DAB1: variants seen among roughly 807,000 people sequenced by gnomAD.
DAB1 encodes disabled homolog 1.
DAB1 carries 15 observed loss-of-function variants against 64.6 expected under a neutral mutation model. The observed-to-expected ratio is 0.23, with a 90% CI of 0.16 to 0.36. The LOEUF (loss-of-function observed/expected upper bound fraction) is 0.36. DAB1 is among the 10% of genes least tolerant of loss of function. The pLI is 1.00. For synonymous variants in DAB1, 235 were observed against 251.9 expected (o/e 0.93, Z 0.64); for missense variants, 596 against 706.7 (o/e 0.84, Z 1.78).
intron 4 of DAB1, among the ~76,000 whole-genome samples, chr1:57,084,775 A>G (rs1369675669): frequency 6.6e-6 from 1 of 152,182 alleles, no homozygotes; most frequent in Non-Finnish European, 1.5e-5. Flanking sequence ...TCAGAAACAC[A>G]GAGTGTAGTG....
chr1:57,122,323 T>C (rs1410554334), intron 4 of DAB1, among the ~76,000 whole-genome samples: 1 of 152,186 alleles, frequency 6.6e-6, no homozygotes, highest in Non-Finnish European at 1.5e-5. Flanking sequence ...AATAACTTTA[T>C]TTTTACAGAT....
intron 4 of DAB1, among the ~76,000 whole-genome samples, chr1:58,302,822 A>AT (rs566501771): frequency 1.3e-5 from 2 of 152,110 alleles, no homozygotes; most frequent in South Asian, 2.1e-4. Flanking sequence ...TTTCATTACT[A>AT]TTTTTTTAAA....
rs576601686 is a variant in DAB1, at chr1:58,091,353, C to T, written n.387+59158G>A. Among the ~76,000 whole-genome samples, 4 of 152,348 alleles carry T rather than the reference C, an allele frequency of 2.6e-5. No individual in the cohort carries two copies. In the South Asian group the frequency reaches 8.3e-4, roughly 32 times the overall value. ...TTTGCTCCTCTGTCTAACCATGGCA[C>T]AGCCCTCCCAGCTGAAACCTAGTGT... On this transcript the variant is annotated intron_variant and non_coding_transcript_variant, in intron 5 of 20. Coordinates refer to the DAB1 transcript ENST00000485760.
intron 2 of DAB1, among the ~76,000 whole-genome samples, chr1:57,211,154 C>T (rs552960827): frequency 3.0e-4 from 46 of 152,220 alleles, no homozygotes; most frequent in African/African-American, 9.4e-4. Flanking sequence ...TGACTGACAG[C>T]GAAGCAAAAT....
Position 57,075,243 on chromosome 1 carries a change from G to A in DAB1, c.307-2829C>T, listed in dbSNP as rs118067693. Among the ~76,000 whole-genome samples the A allele has an allele frequency of 7.5e-4, 114 of 152,292 alleles. 1 individual carries two copies. The East Asian group carries it at 0.015, about 20-fold the overall frequency. The stretch of plus-strand genomic sequence containing the variant: ...GCAATGGTAAAATATCACTTACCAG[G>A]CAAGACAGCAGATGGAGATGTTTTA... On this transcript the variant is annotated intron_variant, in intron 4 of 14. Coordinates refer to ENST00000371236, the MANE Select transcript of DAB1 (RefSeq NM_001365792.1).
At chr1:57,648,497 C>T (rs1009661998) in intron 7 of DAB1, among the ~76,000 whole-genome samples, 1 of 152,190 alleles carries the variant, frequency 6.6e-6, no homozygotes, top group African/African-American at 2.4e-5. Flanking sequence ...CACCAGGTCA[C>T]TTAAATGAGT....
At chr1:57,312,049 A>G (rs920880552) in intron 1 of DAB1, among the ~76,000 whole-genome samples, 2 of 152,218 alleles carry the variant, frequency 1.3e-5, no homozygotes, top group Non-Finnish European at 2.9e-5. Context: ...TTGAGTCCAC[A>G]GTTGTTCCTT....
intron 5 of DAB1, among the ~76,000 whole-genome samples, chr1:57,941,576 C>T (rs1645105301): frequency 6.6e-6 from 1 of 152,214 alleles, no homozygotes; most frequent in Admixed American, 6.5e-5. Flanking sequence ...GTGGCTCACG[C>T]CTGTAATCCC....
In DAB1 at chr1:57,695,281, G is replaced by GGAGAGAGA. The variant is rs1456203302; in HGVS notation, n.552-45617_552-45616insTCTCTCTC. ...AGAAGGAAGGAAGGAAGGAAGGAAG[G>GGAGAGAGA]AAGAAAGGGAGAGAGAAGGAAAGAA... is the stretch of plus-strand genomic sequence containing the variant. On this transcript the variant is annotated intron_variant and non_coding_transcript_variant, in intron 6 of 20. Transcript: ENST00000485760. 1.3e-4 allele frequency among the ~76,000 whole-genome samples: 10 copies of GGAGAGAGA among 74,640 alleles called. 1 individual carries two copies. Among genetic ancestry groups the GGAGAGAGA allele is most frequent in the African/African-American group, 3.8e-4 (7 of 18,442 alleles). 49.0% of individuals were successfully genotyped at this position (74,640 alleles called of 152,430 possible). A position where few individuals can be genotyped will look rare whatever the true frequency, so the allele number is the denominator to read the frequency against.
intron 2 of DAB1, among the ~76,000 whole-genome samples, chr1:57,154,923 C>T (rs1379690953): frequency 6.6e-6 from 1 of 152,082 alleles, no homozygotes; most frequent in Non-Finnish European, 1.5e-5. Context: ...GTTTGAGCTC[C>T]TTATATTTAA....
chr1:57,168,284 C>T (rs369696768), intron 2 of DAB1, among the ~76,000 whole-genome samples: 1 of 152,210 alleles, frequency 6.6e-6, no homozygotes, highest in Non-Finnish European at 1.5e-5. Flanking sequence ...AAAAATATTT[C>T]ATCACATAGT....
intron 1 of DAB1, among the ~76,000 whole-genome samples, chr1:57,323,470 A>C (rs1437066683): frequency 2.6e-5 from 4 of 152,220 alleles, no homozygotes; most frequent in African/African-American, 9.6e-5. Flanking sequence ...GGGGCCTTAA[A>C]GATTTCTTAT....
intron 4 of DAB1, among the ~76,000 whole-genome samples, chr1:57,074,901 CA>C (rs1363262332): frequency 1.3e-5 from 2 of 152,226 alleles, no homozygotes; most frequent in Middle Eastern, 3.4e-3. Context: ...GAAAATTGCT[CA>C]AACAGTGGTA....
At chr1:57,681,403 G>A (rs1646634863) in intron 6 of DAB1, among the ~76,000 whole-genome samples, 1 of 152,112 alleles carries the variant, frequency 6.6e-6, no homozygotes, top group Non-Finnish European at 1.5e-5. Flanking sequence ...CTAAGGTACT[G>A]GGTACTTGGA....
chr1:58,020,325 A>C (rs767267183), intron 5 of DAB1, among the ~76,000 whole-genome samples: 4 of 152,218 alleles, frequency 2.6e-5, no homozygotes, highest in Non-Finnish European at 5.9e-5. Flanking sequence ...TATGGCCACC[A>C]ATACATTAAA....
chr1:58,276,000 C>T (rs1661434837), intron 4 of DAB1, among the ~76,000 whole-genome samples: 1 of 152,214 alleles, frequency 6.6e-6, no homozygotes, highest in Admixed American at 6.5e-5. Context: ...GAAATTCTGA[C>T]ACATGCTACA....
intron 4 of DAB1, among the ~76,000 whole-genome samples, chr1:58,193,349 C>T (rs1227281807): frequency 6.6e-6 from 1 of 152,144 alleles, no homozygotes; most frequent in Non-Finnish European, 1.5e-5. Flanking sequence ...AAGCAGATGC[C>T]AGTGCCATGA....
At chr1:57,140,558 A>G (rs1173420802) in intron 3 of DAB1, among the ~76,000 whole-genome samples, 1 of 152,154 alleles carries the variant, frequency 6.6e-6, no homozygotes, top group Non-Finnish European at 1.5e-5. Context: ...AAGTTTATGA[A>G]AATAGCTAGG....
chr1:58,226,801 G>A (rs1318477130), intron 4 of DAB1, among the ~76,000 whole-genome samples: 1 of 152,162 alleles, frequency 6.6e-6, no homozygotes, highest in Non-Finnish European at 1.5e-5. Context: ...TCTAAGCACA[G>A]AGCGATAGGT....
Sources: gnomAD v4.1 joint callset for allele counts (sites outside exome capture counted in the v4.1 genomes callset) on GRCh38, gnomAD v4.1.1 for gene constraint, MANE v1.5 for transcripts, NCBI Gene and HGNC (gene_info 2026-07-23, HGNC 2026-07-21) for gene names.